The following TTC28 variants were observed in gnomAD, a reference collection of about 807,000 sequenced individuals.
TTC28 encodes the protein tetratricopeptide repeat domain 28.
TTC28 carries 61 observed loss-of-function variants against 198.0 expected under a neutral mutation model. The ratio of observed to expected loss-of-function variants is 0.31; its 90% CI spans 0.25 to 0.38. The LOEUF (loss-of-function observed/expected upper bound fraction) is 0.38. TTC28 is among the 10% of genes least tolerant of loss of function. The probability of loss-of-function intolerance (pLI) is 1.00; values close to 1 mark genes in which losing one functional copy is unlikely to be tolerated. For synonymous variants in TTC28, 1,171 were observed against 1,297.8 expected (o/e 0.90, Z 2.10); for missense variants, 2,678 against 3,164.0 (o/e 0.85, Z 3.69).
chr22:28,679,556 G>C lies in TTC28; in HGVS notation c.102+66C>G, dbSNP rs1006543291. On this transcript the variant is annotated intron_variant, in intron 1 of 22. Transcript: ENST00000397906. ...AGGCGCTCCTCTGCCGCTGAGGCCC[G>C]GCCCGGCTCCCACCGCCGGAGTTTC... 93 of 1,145,658 alleles carry C rather than the reference G, an allele frequency of 8.1e-5. No individual in the cohort carries two copies. In the African/African-American group the frequency reaches 1.3e-3, roughly 16 times the overall value. The allele number at this position is 1,145,658 out of a possible 1,614,324, so 71.0% of individuals were successfully genotyped here. A position where few individuals can be genotyped will look rare whatever the true frequency, so the allele number is the denominator to read the frequency against.
intron 5 of TTC28, among the ~76,000 whole-genome samples, chr22:28,164,451 A>T (rs939823522): frequency 6.6e-6 from 1 of 152,200 alleles, no homozygotes; most frequent in Non-Finnish European, 1.5e-5. Context: ...CAAAACTTCC[A>T]GAGGAACGAT....
chr22:28,413,617 A>G (rs189430267), intron 2 of TTC28, among the ~76,000 whole-genome samples: 15 of 152,344 alleles, frequency 9.8e-5, no homozygotes, highest in African/African-American at 3.6e-4. Flanking sequence ...TTTGCTATAG[A>G]AAAACATAAC....
chr22:27,982,357 T>C lies in TTC28; in HGVS notation c.7310A>G (p.Glu2437Gly), dbSNP rs1472815161. The C allele has an allele frequency of 1.4e-5, 22 of 1,548,744 alleles. No homozygotes were observed. The highest frequency in any genetic ancestry group is 1.9e-5 in the Non-Finnish European group (22 of 1,145,328). ...CGGCAGTGAGCCCAGCGAGGTGGTC[T>C]CGGTGCGCCAGTGTCCGTTGGGAGG... Reference protein sequence around the residue: ...KAPPNGHWRTETTSLGSLPLP... With the variant: ...KAPPNGHWRTGTTSLGSLPLP... The change falls in exon 23 of 23, where the codon GAG (glutamate) becomes GGG (glycine). Residue 2437 changes from glutamate to glycine, a missense_variant. Glu to Gly is a moderately conservative substitution (Grantham distance 98, BLOSUM62 -2). Around this residue, in one of 8 missense-constraint regions of TTC28, gnomAD observed 622 missense variants for 656.0 expected, o/e 0.95. Coordinates refer to ENST00000397906, the MANE Select transcript of TTC28 (RefSeq NM_001145418.2). The surrounding 1 kb of genome is among the most constrained non-coding windows in gnomAD (Gnocchi z 5.2).
At chr22:28,374,517 C>G (rs1170049551) in intron 2 of TTC28, among the ~76,000 whole-genome samples, 1 of 152,026 alleles carries the variant, frequency 6.6e-6, no homozygotes, top group Non-Finnish European at 1.5e-5. Context: ...GTGTAAAGAA[C>G]ACTTAAACAG....
In TTC28 at chr22:27,998,587, T is replaced by G. The variant is rs574350935; in HGVS notation, c.5072A>C (p.Lys1691Thr). The G allele has an allele frequency of 8.4e-6, 13 of 1,550,764 alleles. No homozygotes were observed. The South Asian group carries it at 1.5e-4, about 18-fold the overall frequency. ...GAAGGCCTTGCTGCTCTGCACCACC[T>G]TCATGGCCTCCCCCAGGGCGGCGCT... ...KASAALGEAM[K>T]VVQSSKAFSH... The change falls in exon 16 of 23, where the codon AAG becomes ACG. Residue 1691 changes from lysine (K) to threonine (T), a missense_variant. Around this residue, in one of 8 missense-constraint regions of TTC28, gnomAD observed 314 missense variants for 442.7 expected, o/e 0.71. Coordinates refer to ENST00000397906, the MANE Select transcript of TTC28 (RefSeq NM_001145418.2).
intron 6 of TTC28, among the ~76,000 whole-genome samples, chr22:28,139,098 T>TG (rs1943269162): frequency 6.6e-6 from 1 of 151,952 alleles, no homozygotes; most frequent in South Asian, 2.1e-4. Flanking sequence ...TTGAAGGAGA[T>TG]GGAGTATAAA....
intron 2 of TTC28, among the ~76,000 whole-genome samples, chr22:28,488,960 G>A (rs1056258797): frequency 6.6e-6 from 1 of 152,092 alleles, no homozygotes; most frequent in Non-Finnish European, 1.5e-5. Flanking sequence ...CTTTTCCCAT[G>A]AGAGCAATAT....
chr22:28,326,528 T>G (rs1228978049), intron 2 of TTC28, among the ~76,000 whole-genome samples: 1 of 152,156 alleles, frequency 6.6e-6, no homozygotes, highest in Non-Finnish European at 1.5e-5. Context: ...TATTACATTA[T>G]ATGTATTTTT....
At chr22:28,298,643 G>T (rs549246364) in intron 3 of TTC28, among the ~76,000 whole-genome samples, 13 of 152,068 alleles carry the variant, frequency 8.5e-5, no homozygotes, top group Non-Finnish European at 1.8e-4. Context: ...TAGAGATGAG[G>T]TCTCATTAGG....
chr22:28,350,210 T>C (rs920089330), intron 2 of TTC28, among the ~76,000 whole-genome samples: 2 of 152,110 alleles, frequency 1.3e-5, no homozygotes, highest in East Asian at 3.8e-4. Flanking sequence ...TTAACCACAT[T>C]CCAGATAAAG....
chr22:28,075,610 C>A (rs1207774635), intron 12 of TTC28, among the ~76,000 whole-genome samples: 1 of 152,202 alleles, frequency 6.6e-6, no homozygotes, highest in East Asian at 1.9e-4. Flanking sequence ...TGTGATGTAG[C>A]AAGCTACAAT....
At chr22:28,607,396 A>C (rs1183121475) in intron 2 of TTC28, among the ~76,000 whole-genome samples, 2 of 152,222 alleles carry the variant, frequency 1.3e-5, no homozygotes, top group African/African-American at 2.4e-5. Flanking sequence ...ACTTTTGCTT[A>C]AATTTAAAGA....
chr22:28,410,088 A>G (rs901966318), intron 2 of TTC28, among the ~76,000 whole-genome samples: 5 of 150,076 alleles, frequency 3.3e-5, no homozygotes, highest in African/African-American at 1.2e-4. Flanking sequence ...CAACCGGTTG[A>G]TTTTTGTATT....
chr22:28,197,713 G>A (rs1028330998), intron 5 of TTC28, among the ~76,000 whole-genome samples: 1 of 152,070 alleles, frequency 6.6e-6, no homozygotes, highest in African/African-American at 2.4e-5. Flanking sequence ...CTGGGAGCAA[G>A]AACAGAAAAT....
At chr22:28,199,384 TA>T (rs1195503325) in intron 5 of TTC28, among the ~76,000 whole-genome samples, 22 of 518 alleles carry the variant, frequency 0.042, 1 homozygote, top group South Asian at 0.12. Flanking sequence ...CATTAAAAAT[TA>T]TATATATATA....
chr22:28,512,052 G>A (rs1291179585), intron 2 of TTC28, among the ~76,000 whole-genome samples: 4 of 151,518 alleles, frequency 2.6e-5, no homozygotes, highest in Admixed American at 2.0e-4. Flanking sequence ...CTATCCATCT[G>A]ACGAAGGTCT....
chr22:28,552,791 A>G (rs1470713270), intron 2 of TTC28, among the ~76,000 whole-genome samples: 2 of 37,652 alleles, frequency 5.3e-5, no homozygotes, highest in African/African-American at 9.8e-5. Context: ...CCCTCTCCCC[A>G]CGGTCTCCCT....
intron 12 of TTC28, among the ~76,000 whole-genome samples, chr22:28,032,257 ATATATATATAGTGTGTGT>A (rs1939156351): frequency 2.3e-5 from 2 of 86,824 alleles, no homozygotes; most frequent in Non-Finnish European, 4.3e-5. Context: ...TAAAATATAT[ATATATATATAGTGTGTGT>A]GTGTGTGTGT....
intron 4 of TTC28, 25 bp from the exon 5 acceptor site, chr22:28,296,353 A>G: frequency 6.7e-7 from 1 of 1,491,612 alleles, no homozygotes; most frequent in Middle Eastern, 1.8e-4. Context: ...GAAAAAAAAA[A>G]AGAAAAAATT....
Sources: gnomAD v4.1 joint callset for allele counts (sites outside exome capture counted in the v4.1 genomes callset) on GRCh38, gnomAD v4.1.1 for gene constraint, gnomAD v4.1.1 regional missense constraint, Gnocchi (gnomAD v3.1) non-coding constraint, MANE v1.5 for transcripts, NCBI Gene and HGNC (gene_info 2026-07-23, HGNC 2026-07-21) for gene names.